The following ELP1 variants were observed in gnomAD, a reference collection of about 807,000 sequenced individuals.
ELP1 encodes elongator complex protein 1.
In ELP1, 131 loss-of-function variants were observed where a neutral mutation model predicts 183.2. The observed-to-expected ratio is 0.72, with a 90% CI of 0.62 to 0.83. ELP1 has a LOEUF of 0.83. Among genes scored for constraint, ELP1 ranks in the 40% least tolerant of loss-of-function variants. The pLI is 0.00. For synonymous variants in ELP1, 555 were observed against 569.0 expected (o/e 0.98, Z 0.35); for missense variants, 1,550 against 1,594.9 (o/e 0.97, Z 0.48).
At chr9:108,885,799 T>A (rs1373410778) in intron 29 of ELP1, among the ~76,000 whole-genome samples, 1 of 151,998 alleles carries the variant, frequency 6.6e-6, no homozygotes, top group Non-Finnish European at 1.5e-5. Flanking sequence ...CACACAGACA[T>A]GAGGGTTGGT....
chr9:108,902,778 T>C (rs1327583496), intron 16 of ELP1, 61 bp downstream of exon 16: 8 of 1,263,902 alleles, frequency 6.3e-6, no homozygotes, highest in Non-Finnish European at 9.3e-6. Flanking sequence ...CTCTTTCTAC[T>C]TAATGCCATC....
intron 5 of ELP1, 21 bp from the exon 6 acceptor site, chr9:108,922,948 CA>C: frequency 6.5e-7 from 1 of 1,545,510 alleles, no homozygotes; most frequent in Non-Finnish European, 8.9e-7. Context: ...ATTGGCAAGA[CA>C]ACTAATAAGC....
chr9:108,879,619 A>G (rs1026136735), intron 32 of ELP1, 62 bp from the exon 33 acceptor site: 2 of 1,203,816 alleles, frequency 1.7e-6, no homozygotes, highest in African/African-American at 1.6e-5. Flanking sequence ...GTTTACTTTC[A>G]GGGCGGTAAA....
In ELP1 at chr9:108,891,185, A is replaced by G. The variant is rs1828316422; in HGVS notation, c.3160+18T>C. ...TTAAAACCTTTGTAGATGTAAACATATAAATGATTGTACTTACCTGCCAGA... is the reference window on the plus strand; with the variant it reads ...TTAAAACCTTTGTAGATGTAAACATGTAAATGATTGTACTTACCTGCCAGA... On this transcript the variant is annotated intron_variant, in intron 28 of 36. Coordinates refer to ENST00000374647, the MANE Select transcript of ELP1 (RefSeq NM_003640.5). 3 of 1,612,392 alleles carry G rather than the reference A, an allele frequency of 1.9e-6. No individual in the cohort carries two copies. Among genetic ancestry groups the G allele is most frequent in the African/African-American group, 1.3e-5 (1 of 74,934 alleles).
In ELP1 at chr9:108,900,293, A is replaced by T; in HGVS notation, c.2097T>A (p.Thr699=). Reference sequence around the variant, plus strand: ...CAAGCTTTGTGTCCTGGGGCACAACAGTGACAATCCGTGAACCCCTCTCCA... The same window carrying T: ...CAAGCTTTGTGTCCTGGGGCACAACTGTGACAATCCGTGAACCCCTCTCCA... ...RKVERGSRIV[T]VVPQDTKLVL... The change falls in exon 19 of 37, where the codon ACT becomes ACA. Residue 699 remains threonine (T), a synonymous_variant. Transcript: ENST00000374647. The T allele has an allele frequency of 6.2e-7, 1 of 1,614,134 alleles. No individual in the cohort carries two copies. Among genetic ancestry groups the T allele is most frequent in the Non-Finnish European group, 8.5e-7 (1 of 1,179,944 alleles).
rs746092527 is a variant in ELP1, at chr9:108,898,722, G to A, written c.2232C>T (p.Cys744=). ...DKLMFKEAFE[C]MRKLRINLNL... Reference sequence around the variant, plus strand: ...TGAGATTGATTCTCAGCTTTCTCATGCATTCAAATGCCTCTTTAAACATAA... The same window carrying A: ...TGAGATTGATTCTCAGCTTTCTCATACATTCAAATGCCTCTTTAAACATAA... Residue 744 remains cysteine (C), a synonymous_variant, in exon 21 of 37, where the codon TGC becomes TGT. Coordinates refer to ENST00000374647, the MANE Select transcript of ELP1 (RefSeq NM_003640.5). The A allele has an allele frequency of 6.2e-7, 1 of 1,611,626 alleles. No individual in the cohort carries two copies. Among genetic ancestry groups the A allele is most frequent in the Non-Finnish European group, 8.5e-7 (1 of 1,178,390 alleles).
At chr9:108,878,346 G>A (rs1038244959) in intron 34 of ELP1, among the ~76,000 whole-genome samples, 197 bp from the exon 35 acceptor site, 1 of 152,246 alleles carries the variant, frequency 6.6e-6, no homozygotes, top group African/African-American at 2.4e-5. Flanking sequence ...ACGCTGGGGG[G>A]CCTACGCAGA....
intron 9 of ELP1, 78 bp from the exon 10 acceptor site, chr9:108,916,375 C>T: frequency 8.7e-7 from 1 of 1,149,898 alleles, no homozygotes; most frequent in Non-Finnish European, 1.3e-6. Context: ...TGTATTTCCT[C>T]TCTCAAATCA....
At chr9:108,872,804 G>GAA (rs58139943) in intron 36 of ELP1, among the ~76,000 whole-genome samples, 65 of 83,364 alleles carry the variant, frequency 7.8e-4, no homozygotes, top group African/African-American at 2.3e-3. Context: ...GACTCTGTCT[G>GAA]AAAAAAAAAA....
At chr9:108,903,337 T>C (rs1828885183) in intron 15 of ELP1, among the ~76,000 whole-genome samples, 1 of 152,156 alleles carries the variant, frequency 6.6e-6, no homozygotes, top group Non-Finnish European at 1.5e-5. Flanking sequence ...TTTGGTTTTT[T>C]GTCCCTGCGA....
rs754571065 is a variant in ELP1, at chr9:108,881,765, C to T, written c.3286G>A (p.Val1096Ile). 3 of 1,530,136 alleles carry T rather than the reference C, an allele frequency of 2.0e-6. No individual in the cohort carries two copies. Among genetic ancestry groups the T allele is most frequent in the Non-Finnish European group, 2.7e-6 (3 of 1,104,014 alleles). The allele number at this position is 1,530,136 out of a possible 1,614,324, so 94.8% of individuals were successfully genotyped here. A position where few individuals can be genotyped will look rare whatever the true frequency, so the allele number is the denominator to read the frequency against. Reference protein sequence around the residue: ...GAAWEEALRLVYKYNRLDIIE... With the variant: ...GAAWEEALRLIYKYNRLDIIE... The stretch of plus-strand genomic sequence containing the variant: ...ATATCCAGTCTGTTATATTTGTATA[C>T]CTAGAAGGAAAAACACAATAATTTT... Residue 1096 changes from valine to isoleucine, a missense_variant and splice_region_variant, in exon 31 of 37, where the codon GTA becomes ATA. Physicochemically the swap from Val to Ile is conservative, Grantham distance 29. Coordinates refer to ENST00000374647, the MANE Select transcript of ELP1 (RefSeq NM_003640.5).
At position 108,901,841 on chromosome 9, in the gene ELP1, T is replaced by C. The variant is rs2275633; in HGVS notation, c.1855-160A>G. 0.49 allele frequency among the ~76,000 whole-genome samples: 74,760 copies of C among 151,946 alleles called. 18,698 individuals carry two copies. Among genetic ancestry groups the C allele is most frequent in the East Asian group, 0.59 (3,021 of 5,142 alleles). On this transcript the variant is annotated intron_variant, in intron 16 of 36. Transcript: ENST00000374647. ...AAGACGTGGCTGGTCCAGTGCAAAA[T>C]GGAATGTGAAGCCATCCAATCCATC...
chr9:108,923,026 A>G, intron 5 of ELP1, 99 bp from the exon 6 acceptor site: 1 of 876,332 alleles, frequency 1.1e-6, no homozygotes. Flanking sequence ...GCAATTACTC[A>G]GGTCCTCTAA....
chr9:108,892,416 A>G (rs1375409805), intron 27 of ELP1, among the ~76,000 whole-genome samples: 3 of 152,182 alleles, frequency 2.0e-5, no homozygotes, highest in African/African-American at 7.2e-5. Context: ...CTGAGGACAA[A>G]CTGAAAATGG....
In ELP1 at chr9:108,929,921, C is replaced by A. The variant is rs1320969095; in HGVS notation, c.151G>T (p.Val51Leu). ...LIEVDPVSRE[V>L]KNEVSLVAEG... Reference sequence around the variant, plus strand: ...GCCACCAAAGAAACTTCATTTTTCACCTTTCACCAAAGTAAACACAAGCAA... The same window carrying A: ...GCCACCAAAGAAACTTCATTTTTCAACTTTCACCAAAGTAAACACAAGCAA... The change falls in exon 3 of 37, where the codon GTG becomes TTG. Residue 51 changes from valine (V) to leucine (L), a missense_variant and splice_region_variant. By Grantham distance (32) the Val-to-Leu change is conservative. Coordinates refer to ENST00000374647, the MANE Select transcript of ELP1 (RefSeq NM_003640.5). 6.2e-7 allele frequency: 1 copy of A among 1,613,420 alleles called. No individual in the cohort carries two copies.
chr9:108,894,784 T>G (rs1253429904), intron 25 of ELP1, among the ~76,000 whole-genome samples: 1 of 152,194 alleles, frequency 6.6e-6, no homozygotes, highest in East Asian at 1.9e-4. Flanking sequence ...TTATACTGAG[T>G]TGGACACAAA....
intron 9 of ELP1, among the ~76,000 whole-genome samples, chr9:108,916,683 T>C (rs1321289628): frequency 6.6e-6 from 1 of 152,186 alleles, no homozygotes; most frequent in Admixed American, 6.6e-5. Flanking sequence ...ATTGAAAATA[T>C]GATTTCTAGA....
chr9:108,867,931 G>A lies in ELP1; in HGVS notation c.*1184C>T, dbSNP rs1032592090. The A allele has an allele frequency of 6.6e-6, 1 of 152,192 alleles. No homozygotes were observed. The highest frequency in any genetic ancestry group is 1.5e-5 in the Non-Finnish European group (1 of 68,024). The allele number at this position is 152,192 out of a possible 1,614,324, so 9.4% of individuals were successfully genotyped here. On this transcript the variant is annotated 3_prime_UTR_variant, in exon 37 of 37. Transcript: ENST00000374647. The stretch of plus-strand genomic sequence containing the variant: ...AAAGCAGCATTTCCTGTTAGTTTAT[G>A]TACAGTGCTGTAGTTTAGGCATTTG...
chr9:108,876,993 A>C (rs1223297985), intron 35 of ELP1, among the ~76,000 whole-genome samples: 5 of 152,092 alleles, frequency 3.3e-5, no homozygotes, highest in Non-Finnish European at 7.3e-5. Flanking sequence ...GGCCTCCCAA[A>C]GTGCTGGGAT....
Sources: allele counts gnomAD v4.1 joint callset (sites outside exome capture counted in the v4.1 genomes callset), GRCh38; gene constraint gnomAD v4.1.1; transcripts MANE v1.5; gene names NCBI Gene and HGNC (gene_info 2026-07-23, HGNC 2026-07-21).